JAK1: variants seen among roughly 807,000 people sequenced by gnomAD.
JAK1 encodes tyrosine-protein kinase JAK1.
A neutral mutation model predicts 136.6 loss-of-function variants in JAK1; 16 were observed. That is an observed-to-expected ratio of 0.12 (90% CI 0.08 to 0.18). The LOEUF is 0.18. Among genes scored for constraint, JAK1 ranks in the 10% least tolerant of loss-of-function variants. The pLI is 1.00. For missense variants in JAK1, 859 were observed against 1,450.1 expected, an observed-to-expected ratio of 0.59 and a Z score of 6.62; for synonymous variants, 492 against 519.5, an observed-to-expected ratio of 0.95 and a Z score of 0.72.
At chr1:64,960,291 TCTTAAG>T (rs1404008358) in intron 1 of JAK1, among the ~76,000 whole-genome samples, 1 of 152,194 alleles carries the variant, frequency 6.6e-6, no homozygotes. Flanking sequence ...CACTTCAAAA[TCTTAAG>T]CATAGTCATT....
rs1224165791 is a variant in JAK1, at chr1:65,036,792, C to T, written c.-78+7688G>A. Among the ~76,000 whole-genome samples the T allele has an allele frequency of 9.8e-5, 15 of 152,306 alleles. No homozygotes were observed. In the East Asian group the frequency reaches 2.7e-3, roughly 27 times the overall value. The stretch of plus-strand genomic sequence containing the variant: ...AGGGAATAATAAATTGTACTATGTC[C>T]ATTCAATGGACTATTATGTAATCAT... On this transcript the variant is annotated intron_variant, in intron 2 of 25. Transcript: ENST00000671954.
intron 1 of JAK1, among the ~76,000 whole-genome samples, chr1:64,938,009 A>G (rs987222539): frequency 9.2e-5 from 14 of 151,946 alleles, no homozygotes; most frequent in African/African-American, 3.4e-4. Flanking sequence ...CCTCCCAAGT[A>G]GCTATGACTA....
intron 9 of JAK1, among the ~76,000 whole-genome samples, chr1:64,858,077 AGCCTCTCTGG>A (rs1656056063): frequency 6.6e-6 from 1 of 152,192 alleles, no homozygotes; most frequent in South Asian, 2.1e-4. Context: ...AAGACAGAAG[AGCCTCTCTGG>A]AGGCTGGTGA....
At chr1:65,012,796 CAAAA>C (rs374552765) in intron 2 of JAK1, among the ~76,000 whole-genome samples, 2 of 116,062 alleles carry the variant, frequency 1.7e-5, no homozygotes, top group African/African-American at 3.1e-5. Context: ...GACCCTGTCT[CAAAA>C]AAAAAAAAAA....
intron 2 of JAK1, among the ~76,000 whole-genome samples, chr1:65,044,169 C>G (rs1647162748): frequency 6.6e-6 from 1 of 152,082 alleles, no homozygotes; most frequent in Non-Finnish European, 1.5e-5. Context: ...ATTTACGTAA[C>G]ATTTTTGAAA....
At chr1:64,931,966 A>T (rs2100452851) in intron 1 of JAK1, among the ~76,000 whole-genome samples, 1 of 151,568 alleles carries the variant, frequency 6.6e-6, no homozygotes, top group South Asian at 2.1e-4. Flanking sequence ...AGGGGGGGGG[A>T]TATTCAATCA....
In JAK1 at chr1:64,833,594, G is replaced by GTGA. The variant is rs1557613383; in HGVS notation, c.*965_*967dup. ...GGTCTTTCAAGTGTTGCACCACAGG[G>GTGA]TGATGATTGATGGTAAAAACAGGGA... On this transcript the variant is annotated 3_prime_UTR_variant, in exon 25 of 25. Transcript: ENST00000342505. 1 of 232,894 alleles carries GTGA rather than the reference G, an allele frequency of 4.3e-6. No homozygotes were observed. Among genetic ancestry groups the GTGA allele is most frequent in the Non-Finnish European group, 8.5e-6 (1 of 117,882 alleles). 14.4% of individuals were successfully genotyped at this position (232,894 alleles called of 1,614,324 possible).
chr1:64,920,889 A>G (rs1347063529), intron 1 of JAK1, among the ~76,000 whole-genome samples: 1 of 152,174 alleles, frequency 6.6e-6, no homozygotes, highest in Admixed American at 6.6e-5. Context: ...GTCCAGTGCA[A>G]AACTGTCCCT....
rs2100976240 is a variant in JAK1 at position 64,841,464 on chromosome 1, C to A, written c.2541G>T (p.Lys847Asn). 6.2e-7 allele frequency: 1 copy of A among 1,614,206 alleles called. No individual in the cohort carries two copies. The highest frequency in any genetic ancestry group is 1.1e-5 in the South Asian group (1 of 91,086). ...GGCAGGTCTTACTCTGCTCTTCAAG[C>A]TTATTAATGTCTCTCATGATGGCTC... Reference protein sequence around the residue: ...FFRAIMRDINKLEEQNPDIVS... With the variant: ...FFRAIMRDINNLEEQNPDIVS... The change falls in exon 18 of 25, where the codon AAG becomes AAT. Residue 847 changes from lysine (K) to asparagine (N), a missense_variant. Lys to Asn is a moderately conservative substitution (Grantham distance 94). Around this residue, in one of 4 missense-constraint regions of JAK1, gnomAD observed 409 missense variants for 753.8 expected, o/e 0.54. Transcript: ENST00000342505.
Position 64,857,644 on chromosome 1 carries a change from G to A in JAK1, c.1458+12C>T, listed in dbSNP as rs767950788. On this transcript the variant is annotated intron_variant, in intron 10 of 24. Coordinates refer to ENST00000342505, the MANE Select transcript of JAK1 (RefSeq NM_002227.4). Reference sequence around the variant, plus strand: ...GCTGTATGGCCTGGTCCAAGCCAGTGTCCTGACTGACCTCAGACTTCTCAA... The same window carrying A: ...GCTGTATGGCCTGGTCCAAGCCAGTATCCTGACTGACCTCAGACTTCTCAA... 1.2e-6 allele frequency: 2 copies of A among 1,613,926 alleles called. No individual in the cohort carries two copies. The highest frequency in any genetic ancestry group is 4.5e-5 in the East Asian group (2 of 44,876).
intron 2 of JAK1, among the ~76,000 whole-genome samples, chr1:64,996,476 C>T (rs1440638752): frequency 6.6e-6 from 1 of 152,192 alleles, no homozygotes; most frequent in African/African-American, 2.4e-5. Context: ...CTGATAATTA[C>T]ATTTGTAGAG....
In JAK1 at chr1:64,955,432, C is replaced by T. The variant is rs541906743; in HGVS notation, c.-78+10901G>A. Among the ~76,000 whole-genome samples the T allele has an allele frequency of 1.6e-4, 25 of 152,114 alleles. No homozygotes were observed. In the South Asian group the frequency reaches 3.1e-3, roughly 19 times the overall value. ...TCTGACAGATGGAAAGCATGAAGCA[C>T]GGGAAAAGTGCATTAAATGAACAAG... On this transcript the variant is annotated intron_variant, in intron 1 of 24. Coordinates refer to ENST00000342505, the MANE Select transcript of JAK1 (RefSeq NM_002227.4).
chr1:64,965,465 A>T (rs939580372), intron 1 of JAK1, among the ~76,000 whole-genome samples: 5 of 152,036 alleles, frequency 3.3e-5, no homozygotes, highest in African/African-American at 1.2e-4. Context: ...TTTTATCTAG[A>T]AGTTCCGTGG....
chr1:64,855,475 G>C, intron 11 of JAK1, 34 bp downstream of exon 11: 1 of 1,603,324 alleles, frequency 6.2e-7, no homozygotes, highest in Non-Finnish European at 8.5e-7. Context: ...ATTACTGATG[G>C]GATACAGCCT....
At chr1:64,930,306 G>A (rs1645665525) in intron 1 of JAK1, among the ~76,000 whole-genome samples, 1 of 142,752 alleles carries the variant, frequency 7.0e-6, no homozygotes, top group Non-Finnish European at 1.5e-5. Context: ...AAATTTATAA[G>A]GAAAAAACAA....
intron 2 of JAK1, among the ~76,000 whole-genome samples, chr1:65,008,367 G>A (rs1646820693): frequency 6.6e-6 from 1 of 152,168 alleles, no homozygotes; most frequent in African/African-American, 2.4e-5. Context: ...GATTAAATTG[G>A]AGAAATAGTT....
intron 1 of JAK1, among the ~76,000 whole-genome samples, chr1:64,962,757 A>G (rs1371862687): frequency 6.6e-6 from 1 of 152,328 alleles, no homozygotes; most frequent in East Asian, 1.9e-4. Flanking sequence ...GCTTGGAGGC[A>G]GCAAGGAAAG....
chr1:64,951,819 C>T (rs1467652750), intron 1 of JAK1, among the ~76,000 whole-genome samples: 5 of 152,046 alleles, frequency 3.3e-5, no homozygotes, highest in Non-Finnish European at 5.9e-5. Flanking sequence ...CCACCACGCC[C>T]AGCTAATTTT....
chr1:64,915,707 AAATTT>A (rs1645383301), intron 1 of JAK1, among the ~76,000 whole-genome samples: 1 of 152,236 alleles, frequency 6.6e-6, no homozygotes, highest in Non-Finnish European at 1.5e-5. Flanking sequence ...ATGTTAATTT[AAATTT>A]AAGTGGCTAC....
Sources: allele counts gnomAD v4.1 joint callset (sites outside exome capture counted in the v4.1 genomes callset), GRCh38; gene constraint gnomAD v4.1.1; regional missense constraint gnomAD v4.1.1; transcripts MANE v1.5; gene names NCBI Gene and HGNC (gene_info 2026-07-23, HGNC 2026-07-21).